Variants in SLC40A1 observed in about 807,000 individuals in gnomAD.
The protein encoded by SLC40A1 is solute carrier family 40 member 1.
Under a neutral mutation model 53.5 loss-of-function variants are expected in SLC40A1, and 16 were observed. The ratio of observed to expected loss-of-function variants is 0.30; its 90% CI spans 0.20 to 0.45. The LOEUF (loss-of-function observed/expected upper bound fraction) is 0.45. Ranked by LOEUF, SLC40A1 falls within the 20% of genes least tolerant of loss-of-function variation. The pLI is 1.00. For synonymous variants in SLC40A1, 247 were observed against 253.2 expected (o/e 0.98, Z 0.23); for missense variants, 545 against 695.4 (o/e 0.78, Z 2.43).
chr2:189,578,332 A>G (rs2031356335), intron 2 of SLC40A1: 1 of 1,002,518 alleles, frequency 1.0e-6, no homozygotes, highest in Non-Finnish European at 1.2e-6. Flanking sequence ...CTTTCTCATG[A>G]GAACTTCCTT....
chr2:189,569,598 C>T (rs551580023), intron 5 of SLC40A1, among the ~76,000 whole-genome samples: 1 of 152,328 alleles, frequency 6.6e-6, no homozygotes, highest in East Asian at 1.9e-4. Flanking sequence ...CAATTAGATA[C>T]TTTCTGACCT....
Position 189,563,845 on chromosome 2 carries a change from G to C in SLC40A1, c.1141C>G (p.Leu381Val), listed in dbSNP as rs928767214. 2 of 1,614,198 alleles carry C rather than the reference G, an allele frequency of 1.2e-6. No homozygotes were observed. Among genetic ancestry groups the C allele is most frequent in the Non-Finnish European group, 1.7e-6 (2 of 1,180,046 alleles). Residue 381 changes from leucine (L) to valine (V), a missense_variant, in exon 7 of 8, where the codon CTT becomes GTT. Coordinates refer to ENST00000261024, the MANE Select transcript of SLC40A1 (RefSeq NM_014585.6). ...ATCACACACAAGATCAAACAGGAAAGCTGTGCCAATCCTGAGATCAGACCT... is the reference window on the plus strand; with the variant it reads ...ATCACACACAAGATCAAACAGGAAACCTGTGCCAATCCTGAGATCAGACCT... ...RTGLISGLAQ[L>V]SCLILCVISV...
At position 189,568,854 on chromosome 2, in the gene SLC40A1, G is replaced by GA. The variant is rs575262674; in HGVS notation, c.514+2860dup. On this transcript the variant is annotated intron_variant, in intron 5 of 7. Transcript: ENST00000261024. Reference sequence around the variant, plus strand: ...GATTATTTTTTAGCATGATGGGCAAGAAAAATCTCAGAAGATACTAATAAA... The same window carrying GA: ...GATTATTTTTTAGCATGATGGGCAAGAAAAAATCTCAGAAGATACTAATAAA... 2.3e-3 allele frequency among the ~76,000 whole-genome samples: 347 copies of GA among 152,218 alleles called. 1 individual carries two copies. The highest frequency in any genetic ancestry group is 7.9e-3 in the African/African-American group (328 of 41,530).
chr2:189,563,508 T>C, intron 7 of SLC40A1, 76 bp downstream of exon 7: 2 of 1,379,070 alleles, frequency 1.5e-6, no homozygotes, highest in Non-Finnish European at 2.0e-6. Context: ...TTTCAGATCA[T>C]TTATTAATGG....
chr2:189,571,446 A>T lies in SLC40A1; in HGVS notation c.514+269T>A, dbSNP rs1371467. ...TAGAAAGTTGATTGAATTTTTTTTT[A>T]AAAAAAAAAAAGAGGAAAGAAAAGT... On this transcript the variant is annotated intron_variant, in intron 5 of 7. Transcript: ENST00000261024. Among the ~76,000 whole-genome samples the T allele has an allele frequency of 0.61, 78,837 of 129,920 alleles. 21,593 individuals are homozygous for T. Among genetic ancestry groups the T allele is most frequent in the East Asian group, 0.74 (3,600 of 4,854 alleles). 85.2% of individuals were successfully genotyped at this position (129,920 alleles called of 152,430 possible).
intron 3 of SLC40A1, among the ~76,000 whole-genome samples, chr2:189,573,764 T>C (rs1377681244): frequency 8.5e-5 from 13 of 152,240 alleles, no homozygotes; most frequent in Admixed American, 8.5e-4. Context: ...AAGTTCTATA[T>C]GTAAGGGATA....
chr2:189,569,219 T>G (rs2031045945), intron 5 of SLC40A1, among the ~76,000 whole-genome samples: 1 of 152,208 alleles, frequency 6.6e-6, no homozygotes, highest in Non-Finnish European at 1.5e-5. Context: ...ATCTCTAAAA[T>G]TAAGAAACAC....
At position 189,565,348 on chromosome 2, in the gene SLC40A1, G is replaced by A; in HGVS notation, c.760+6C>T. The A allele has an allele frequency of 6.2e-7, 1 of 1,614,190 alleles. No individual in the cohort carries two copies. Among genetic ancestry groups the A allele is most frequent in the Non-Finnish European group, 8.5e-7 (1 of 1,180,000 alleles). ...ACAAAAGGAGAGATCATTGTGTTCA[G>A]TTTACCTTTGTGTAAATTCAGCTGT... On this transcript the variant is annotated splice_donor_region_variant and intron_variant, in intron 6 of 7. Transcript: ENST00000261024.
intron 4 of SLC40A1, 110 bp from the exon 5 acceptor site, chr2:189,571,951 A>T: frequency 1.3e-6 from 1 of 779,024 alleles, no homozygotes; most frequent in Non-Finnish European, 2.3e-6. Context: ...TAAAAAAAGT[A>T]TTTTAATTTC....
At chr2:189,569,940 GTT>G (rs952065924) in intron 5 of SLC40A1, among the ~76,000 whole-genome samples, 4 of 150,910 alleles carry the variant, frequency 2.7e-5, no homozygotes, top group Non-Finnish European at 4.4e-5. Flanking sequence ...CATGTTTGCA[GTT>G]ATATTTATAT....
At chr2:189,575,678 T>TGA (rs2031267033) in intron 2 of SLC40A1, among the ~76,000 whole-genome samples, 1 of 152,234 alleles carries the variant, frequency 6.6e-6, no homozygotes, top group African/African-American at 2.4e-5. Context: ...TTGCCTATCT[T>TGA]GATTGCAGAG....
At chr2:189,577,079 C>T (rs11894276) in intron 2 of SLC40A1, among the ~76,000 whole-genome samples, 13,460 of 152,158 alleles carry the variant, frequency 0.088, 1,732 homozygotes, top group African/African-American at 0.28. Flanking sequence ...AAGTGCCCAT[C>T]CTTCCTTATT....
chr2:189,576,574 G>C (rs571977090), intron 2 of SLC40A1, among the ~76,000 whole-genome samples: 5 of 152,218 alleles, frequency 3.3e-5, no homozygotes, highest in African/African-American at 7.2e-5. Context: ...GAGTAATTTT[G>C]AGTTGTCACA....
At chr2:189,567,547 T>C (rs2030975506) in intron 5 of SLC40A1, among the ~76,000 whole-genome samples, 1 of 152,048 alleles carries the variant, frequency 6.6e-6, no homozygotes, top group South Asian at 2.1e-4. Flanking sequence ...GTGAAGAAAG[T>C]GATCTACTTT....
intron 2 of SLC40A1, 59 bp downstream of exon 2, chr2:189,579,754 G>T: frequency 6.8e-7 from 1 of 1,468,942 alleles, no homozygotes; most frequent in South Asian, 1.1e-5. Context: ...CAACTGGCTA[G>T]AACGAAAGGA....
chr2:189,563,174 C>A (rs1463546866), intron 7 of SLC40A1, among the ~76,000 whole-genome samples: 1 of 151,144 alleles, frequency 6.6e-6, no homozygotes, highest in Non-Finnish European at 1.5e-5. Context: ...ACTTGGGGGA[C>A]TGAGGCAGGA....
At chr2:189,571,948 AG>A in intron 4 of SLC40A1, 107 bp from the exon 5 acceptor site, 1 of 795,374 alleles carries the variant, frequency 1.3e-6, no homozygotes, top group Non-Finnish European at 2.2e-6. Flanking sequence ...TGATAAAAAA[AG>A]TATTTTAATT....
intron 6 of SLC40A1, 35 bp downstream of exon 6, chr2:189,565,319 G>A (rs2030898520): frequency 6.2e-7 from 1 of 1,612,500 alleles, no homozygotes; most frequent in South Asian, 1.1e-5. Context: ...GTCTGAACAT[G>A]AGAACAAAAG....
intron 1 of SLC40A1, 123 bp downstream of exon 1, chr2:189,580,295 A>C: frequency 9.4e-7 from 1 of 1,062,246 alleles, no homozygotes; most frequent in Non-Finnish European, 1.5e-6. Context: ...TATGAGTCAA[A>C]GGATCTTTTT....
Sources: gnomAD v4.1 joint callset for allele counts (sites outside exome capture counted in the v4.1 genomes callset) on GRCh38, gnomAD v4.1.1 for gene constraint, MANE v1.5 for transcripts, NCBI Gene and HGNC (gene_info 2026-07-23, HGNC 2026-07-21) for gene names.